The following MYO7A variants were observed in gnomAD, a reference collection of about 807,000 sequenced individuals.
MYO7A encodes the protein unconventional myosin-VIIa.
MYO7A carries 210 observed loss-of-function variants against 263.8 expected under a neutral mutation model. The ratio of observed to expected loss-of-function variants is 0.80; its 90% CI spans 0.71 to 0.89. The LOEUF (loss-of-function observed/expected upper bound fraction) is 0.89. Ranked by LOEUF, MYO7A falls within the 40% of genes least tolerant of loss-of-function variation. The pLI is 0.00. For synonymous variants in MYO7A, 1,239 were observed against 1,197.3 expected (o/e 1.03, Z -0.72); for missense variants, 2,820 against 2,968.3 (o/e 0.95, Z 1.16).
At position 77,194,452 on chromosome 11, in the gene MYO7A, C is replaced by CCCCGA. The variant is rs747651107; in HGVS notation, c.4254_4258dup (p.Arg1420ProfsTer8). On this transcript the variant is annotated frameshift_variant, in exon 32 of 49. Coordinates refer to ENST00000409709, the MANE Select transcript of MYO7A (RefSeq NM_000260.4). LOFTEE classifies it high-confidence loss of function. Reference sequence around the variant, plus strand: ...TCCTGAACCTCGTGCCCACCTACATCCCCGACCGCGAGATCACGCCCCTGA... The same window carrying CCCCGA: ...TCCTGAACCTCGTGCCCACCTACATCCCCGACCCGACCGCGAGATCACGCCCCTGA... 1 of 1,610,990 alleles carries CCCCGA rather than the reference C, an allele frequency of 6.2e-7. No individual in the cohort carries two copies. Among genetic ancestry groups the CCCCGA allele is most frequent in the Non-Finnish European group, 8.5e-7 (1 of 1,178,684 alleles).
In MYO7A at chr11:77,137,516, G is replaced by A. The variant is rs117250422; in HGVS notation, c.19-5193G>A. 1.0e-3 allele frequency among the ~76,000 whole-genome samples: 153 copies of A among 152,314 alleles called. 3 individuals are homozygous for A. In the East Asian group the frequency reaches 0.024, roughly 24 times the overall value. The stretch of plus-strand genomic sequence containing the variant: ...AGGACAAAGATAGGCAGGGCAAGGC[G>A]AGAAGGAGGGAATGGGAGAGGAGTC... On this transcript the variant is annotated intron_variant, in intron 2 of 48. Transcript: ENST00000409709.
At chr11:77,164,735 T>C (rs933982786) in intron 14 of MYO7A, among the ~76,000 whole-genome samples, 1 of 152,234 alleles carries the variant, frequency 6.6e-6, no homozygotes, top group African/African-American at 2.4e-5. Flanking sequence ...CTTCATGACG[T>C]TGCTGAGGAT....
chr11:77,172,931 G>T (rs1219675909), intron 16 of MYO7A, 46 bp downstream of exon 16: 2 of 1,524,340 alleles, frequency 1.3e-6, no homozygotes, highest in Non-Finnish European at 1.8e-6. Context: ...CTAGGGTGAC[G>T]TGGAGGAGCT....
At position 77,142,701 on chromosome 11, in the gene MYO7A, G is replaced by C. The variant is rs782547470; in HGVS notation, c.19-8G>C. The C allele has an allele frequency of 7.5e-6, 12 of 1,603,542 alleles. No homozygotes were observed. Among genetic ancestry groups the C allele is most frequent in the Non-Finnish European group, 1.0e-5 (12 of 1,174,992 alleles). On this transcript the variant is annotated splice_region_variant and splice_polypyrimidine_tract_variant and intron_variant, in intron 2 of 48. Transcript: ENST00000409709. ...CTCACCTGGGCTGAGACTCTCTCTC[G>C]CCCATAGGGGGACCATGTGTGGATG...
At chr11:77,140,239 C>G (rs1555049787) in intron 2 of MYO7A, among the ~76,000 whole-genome samples, 1 of 152,222 alleles carries the variant, frequency 6.6e-6, no homozygotes, top group Non-Finnish European at 1.5e-5. Flanking sequence ...CCCCTGCCTT[C>G]CAGCTGCCCT....
At chr11:77,182,641 C>G in intron 25 of MYO7A, 41 bp downstream of exon 25, 1 of 1,605,100 alleles carries the variant, frequency 6.2e-7, no homozygotes, top group Non-Finnish European at 8.5e-7. Flanking sequence ...CCTCCCAGGC[C>G]GACAAGGAGG....
intron 26 of MYO7A, among the ~76,000 whole-genome samples, chr11:77,184,052 A>G (rs1012868356): frequency 6.6e-6 from 1 of 152,118 alleles, no homozygotes; most frequent in African/African-American, 2.4e-5. Flanking sequence ...CTCACCCTAC[A>G]TCCTCTGGGC....
chr11:77,189,993 C>A, intron 28 of MYO7A, 27 bp from the exon 29 acceptor site: 1 of 1,498,638 alleles, frequency 6.7e-7, no homozygotes, highest in South Asian at 1.3e-5. Context: ...GCCCCAGGGG[C>A]CGCCTCAGCG....
Position 77,213,829 on chromosome 11 carries a change from G to A in MYO7A, c.6439-31G>A, listed in dbSNP as rs883223. 566,395 of 1,613,084 alleles carry A rather than the reference G, an allele frequency of 0.35. 101,895 individuals are homozygous for A. Among genetic ancestry groups the A allele is most frequent in the Admixed American group, 0.54 (32,210 of 60,002 alleles). The stretch of plus-strand genomic sequence containing the variant: ...CAAGTGAGGCCACAGGGCCCAGGCC[G>A]TGCCTCTCTATGCCCTTTCTGCTCC... On this transcript the variant is annotated intron_variant, in intron 47 of 48. Transcript: ENST00000409709.
chr11:77,199,560 G>A lies in MYO7A; in HGVS notation c.4594G>A (p.Gly1532Ser). The A allele has an allele frequency of 6.5e-7, 1 of 1,528,418 alleles. No individual in the cohort carries two copies. The highest frequency in any genetic ancestry group is 1.2e-5 in the South Asian group (1 of 80,458). 94.7% of individuals were successfully genotyped at this position (1,528,418 alleles called of 1,614,324 possible). The change falls in exon 35 of 49, where the codon GGC becomes AGC. Residue 1532 changes from glycine (G) to serine (S), a missense_variant. Physicochemically the swap from Gly to Ser is moderately conservative, Grantham distance 56 (BLOSUM62 0). Transcript: ENST00000409709. Reference protein sequence around the residue: ...SRECRVWLSLGCSDLGCAAPH... With the variant: ...SRECRVWLSLSCSDLGCAAPH... ...GGAGTGCCGTGTCTGGCTCTCACTGGGCTGCTCTGATCTTGGCTGTGCTGC... is the reference window on the plus strand; with the variant it reads ...GGAGTGCCGTGTCTGGCTCTCACTGAGCTGCTCTGATCTTGGCTGTGCTGC...
In MYO7A at chr11:77,181,390, C is replaced by G. The variant is rs782607239; in HGVS notation, c.2705C>G (p.Ala902Gly). 6 of 1,566,610 alleles carry G rather than the reference C, an allele frequency of 3.8e-6. No homozygotes were observed. Among genetic ancestry groups the G allele is most frequent in the Non-Finnish European group, 4.3e-6 (5 of 1,156,834 alleles). The change falls in exon 23 of 49, where the codon GCC becomes GGC. Residue 902 changes from alanine to glycine, a missense_variant. Ala to Gly is a moderately conservative substitution (Grantham distance 60). Coordinates refer to ENST00000409709, the MANE Select transcript of MYO7A (RefSeq NM_000260.4). ...EAERKHQERL[A>G]QLAREDAERE... is the part of the protein sequence containing the mutation. ...ACCCCAATTGCCCAGGAGCGCCTGG[C>G]CCAGCTGGCTCGTGAGGACGCTGAG...
At chr11:77,187,090 G>T (rs191702344) in intron 27 of MYO7A, among the ~76,000 whole-genome samples, 13 of 152,270 alleles carry the variant, frequency 8.5e-5, no homozygotes, top group Admixed American at 5.9e-4. Flanking sequence ...ACATTTATCA[G>T]TTAGGTTTGC....
rs1282057266 is a variant in MYO7A at position 77,214,601 on chromosome 11, T to C, written c.6559-6T>C. ...TGCTCGCTTATCTTCTCACCCCTGC[T>C]TCCAGGGCTACAAGATGGATGACCT... is the stretch of plus-strand genomic sequence containing the variant. On this transcript the variant is annotated splice_region_variant and splice_polypyrimidine_tract_variant and intron_variant, in intron 48 of 48. Coordinates refer to ENST00000409709, the MANE Select transcript of MYO7A (RefSeq NM_000260.4). 3 of 1,565,200 alleles carry C rather than the reference T, an allele frequency of 1.9e-6. No homozygotes were observed. Among genetic ancestry groups the C allele is most frequent in the Non-Finnish European group, 2.6e-6 (3 of 1,152,486 alleles).
chr11:77,211,671 G>C, intron 45 of MYO7A, 150 bp from the exon 46 acceptor site: 1 of 639,534 alleles, frequency 1.6e-6, no homozygotes, highest in Non-Finnish European at 2.7e-6. Context: ...ACAGTCCCCA[G>C]GTCTGCTGTC....
rs1350130922 is a variant in MYO7A, at chr11:77,138,288, C to CCGCCGT, written c.19-4411_19-4406dup. Among the ~76,000 whole-genome samples the CCGCCGT allele has an allele frequency of 2.0e-5, 3 of 152,076 alleles. No homozygotes were observed. Among genetic ancestry groups the CCGCCGT allele is most frequent in the Non-Finnish European group, 4.4e-5 (3 of 68,008 alleles). ...GGTGAATTAGGGAGCCGGAGCAGTG[C>CCGCCGT]CGCCGTCGCCGTCGCAGCGCCATGG... is the stretch of plus-strand genomic sequence containing the variant. On this transcript the variant is annotated intron_variant, in intron 2 of 48. Coordinates refer to ENST00000409709, the MANE Select transcript of MYO7A (RefSeq NM_000260.4). This position sits in a 1 kb window ranked among gnomAD's most constrained non-coding sequence, Gnocchi z 4.9.
chr11:77,147,964 C>T lies in MYO7A; in HGVS notation c.285+14C>T, dbSNP rs876657532. The T allele has an allele frequency of 1.3e-6, 2 of 1,531,574 alleles. No homozygotes were observed. Among genetic ancestry groups the T allele is most frequent in the Non-Finnish European group, 1.8e-6 (2 of 1,137,262 alleles). 94.9% of individuals were successfully genotyped at this position (1,531,574 alleles called of 1,614,324 possible). Reference sequence around the variant, plus strand: ...CACCTCATCTACGTGAGTGCCGCCCCGCCCGGTGCCCGTCCAGGCCCCCTC... The same window carrying T: ...CACCTCATCTACGTGAGTGCCGCCCTGCCCGGTGCCCGTCCAGGCCCCCTC... On this transcript the variant is annotated intron_variant, in intron 4 of 48. Transcript: ENST00000409709.
intron 12 of MYO7A, 85 bp from the exon 13 acceptor site, chr11:77,162,035 A>G: frequency 4.8e-6 from 6 of 1,259,700 alleles, no homozygotes; most frequent in South Asian, 1.4e-5. Context: ...GCTAATGGCC[A>G]TGCTGCAGGT....
At chr11:77,195,902 G>T (rs1312859173) in intron 32 of MYO7A, among the ~76,000 whole-genome samples, 1 of 152,026 alleles carries the variant, frequency 6.6e-6, no homozygotes, top group Non-Finnish European at 1.5e-5. Flanking sequence ...GTCAGCAGGG[G>T]CTTTCTCCTG....
In MYO7A at chr11:77,147,919, T is replaced by TGCTTATCC; in HGVS notation, c.258_265dup (p.Tyr89LeufsTer20). 1 of 1,566,918 alleles carries TGCTTATCC rather than the reference T, an allele frequency of 6.4e-7. No individual in the cohort carries two copies. Among genetic ancestry groups the TGCTTATCC allele is most frequent in the East Asian group, 2.4e-5 (1 of 41,874 alleles). ...AACGAGGCGGGCATCTTGCGCAACC[T>TGCTTATCC]GCTTATCCGCTACCGGGACCACCTC... On this transcript the variant is annotated frameshift_variant, in exon 4 of 49. Transcript: ENST00000409709. LOFTEE classifies it high-confidence loss of function.
Sources: allele counts gnomAD v4.1 joint callset (sites outside exome capture counted in the v4.1 genomes callset), GRCh38; gene constraint gnomAD v4.1.1; non-coding constraint Gnocchi (gnomAD v3.1); transcripts MANE v1.5; gene names NCBI Gene and HGNC (gene_info 2026-07-23, HGNC 2026-07-21).